The following TTC7B variants were observed in gnomAD, a reference collection of about 807,000 sequenced individuals.
TTC7B encodes tetratricopeptide repeat protein 7B.
A neutral mutation model predicts 106.8 loss-of-function variants in TTC7B; 28 were observed. That is an observed-to-expected ratio of 0.26 (90% CI 0.19 to 0.36). The LOEUF (loss-of-function observed/expected upper bound fraction) is 0.36, where lower values mean the gene tolerates loss of function less well. Ranked by LOEUF, TTC7B falls within the 10% of genes least tolerant of loss-of-function variation. The pLI is 1.00. For missense variants in TTC7B, 862 were observed against 1,076.4 expected (o/e 0.80, Z 2.79); for synonymous variants, 405 against 430.6 (o/e 0.94, Z 0.74).
At chr14:90,796,137 A>ACC (rs1640199586) in intron 1 of TTC7B, among the ~76,000 whole-genome samples, 1 of 152,062 alleles carries the variant, frequency 6.6e-6, no homozygotes, top group Non-Finnish European at 1.5e-5. Context: ...CAGCTGGGTG[A>ACC]CCCCGGCCCA....
chr14:90,603,238 T>A (rs1323554973), intron 17 of TTC7B: 3 of 1,286,468 alleles, frequency 2.3e-6, no homozygotes, highest in Non-Finnish European at 3.0e-6. Flanking sequence ...ATTAATAGAT[T>A]GGTAAACTAC....
chr14:90,555,616 G>C (rs947339864), intron 19 of TTC7B, among the ~76,000 whole-genome samples: 1 of 152,224 alleles, frequency 6.6e-6, no homozygotes, highest in Non-Finnish European at 1.5e-5. Flanking sequence ...TGTGTCTCCA[G>C]CCCAGCCGCC....
chr14:90,735,716 TA>T lies in TTC7B; in HGVS notation c.577-5521del, dbSNP rs1555394602. ...ACTTTTTTTAAATATTTTTTTTTTT[TA>T]AAAAACCTACTAAAGTCTATAGAAC... On this transcript the variant is annotated intron_variant, in intron 4 of 19. Coordinates refer to ENST00000328459, the MANE Select transcript of TTC7B (RefSeq NM_001010854.2). Among the ~76,000 whole-genome samples, 289 of 150,830 alleles carry T rather than the reference TA, an allele frequency of 1.9e-3. 2 individuals are homozygous for T. The highest frequency in any genetic ancestry group is 6.4e-3 in the African/African-American group (263 of 41,244).
chr14:90,702,868 AGCCACG>A (rs1199461250), intron 5 of TTC7B, among the ~76,000 whole-genome samples: 4 of 152,208 alleles, frequency 2.6e-5, no homozygotes, highest in African/African-American at 9.6e-5. Flanking sequence ...AACAGTCTCC[AGCCACG>A]GCTTTGGGGT....
Position 90,657,929 on chromosome 14 carries a change from C to CA in TTC7B, c.1236+374dup. The CA allele has an allele frequency of 4.1e-6, 1 of 245,898 alleles. No individual in the cohort carries two copies. The highest frequency in any genetic ancestry group is 5.0e-5 in the South Asian group (1 of 20,088). The allele number at this position is 245,898 out of a possible 1,614,324, so 15.2% of individuals were successfully genotyped here. A position where few individuals can be genotyped will look rare whatever the true frequency, so the allele number is the denominator to read the frequency against. Reference sequence around the variant, plus strand: ...CTCAGCCCACATTTTCATCCAGTATCATGCACTGCCTAATATAACACATTG... The same window carrying CA: ...CTCAGCCCACATTTTCATCCAGTATCAATGCACTGCCTAATATAACACATTG... On this transcript the variant is annotated intron_variant, in intron 10 of 19. Coordinates refer to ENST00000328459, the MANE Select transcript of TTC7B (RefSeq NM_001010854.2). The surrounding 1 kb of genome is among the most constrained non-coding windows in gnomAD (Gnocchi z 4.2).
At chr14:90,705,886 CAGCCTAT>C (rs1191167749) in intron 5 of TTC7B, among the ~76,000 whole-genome samples, 2 of 152,190 alleles carry the variant, frequency 1.3e-5, no homozygotes, top group Non-Finnish European at 2.9e-5. Flanking sequence ...CTGAACTGTT[CAGCCTAT>C]AGAGTTTCCC....
intron 3 of TTC7B, among the ~76,000 whole-genome samples, chr14:90,765,037 G>C (rs991830080): frequency 2.6e-5 from 4 of 152,174 alleles, no homozygotes; most frequent in Non-Finnish European, 5.9e-5. Flanking sequence ...ATTAATAATA[G>C]TCAAATAATA....
chr14:90,765,011 T>C (rs1890626391), intron 3 of TTC7B, among the ~76,000 whole-genome samples: 1 of 152,174 alleles, frequency 6.6e-6, no homozygotes, highest in Admixed American at 6.5e-5. Context: ...TGTACACAAA[T>C]GTTCATAGCA....
intron 12 of TTC7B, among the ~76,000 whole-genome samples, chr14:90,653,220 C>G (rs1885806698): frequency 6.6e-6 from 1 of 152,226 alleles, no homozygotes; most frequent in African/African-American, 2.4e-5. Flanking sequence ...CACGACTGCC[C>G]TCTCAAGTGT....
Position 90,672,025 on chromosome 14 carries a change from A to G in TTC7B, c.1152+4498T>C, listed in dbSNP as rs1886653286. On this transcript the variant is annotated intron_variant, in intron 9 of 19. Coordinates refer to ENST00000328459, the MANE Select transcript of TTC7B (RefSeq NM_001010854.2). ...CAAGGGTGCCAAGGACAGGAGAGAG[A>G]GGAACATGTGCTGGCAGTGGCAGCA... 2.6e-5 allele frequency among the ~76,000 whole-genome samples: 4 copies of G among 152,224 alleles called. No homozygotes were observed. In the South Asian group the frequency reaches 6.2e-4, roughly 24 times the overall value.
chr14:90,773,460 A>G (rs1272003908), intron 3 of TTC7B, among the ~76,000 whole-genome samples: 1 of 152,128 alleles, frequency 6.6e-6, no homozygotes, highest in Non-Finnish European at 1.5e-5. Context: ...TTTGAATCCC[A>G]TCTCAACTCT....
intron 18 of TTC7B, among the ~76,000 whole-genome samples, chr14:90,586,275 T>C (rs1891710221): frequency 6.6e-6 from 1 of 152,146 alleles, no homozygotes; most frequent in Admixed American, 6.5e-5. Context: ...CCTCAATCTT[T>C]TTTTCTTTTT....
intron 19 of TTC7B, chr14:90,569,998 G>A (rs1186846281): frequency 6.6e-6 from 1 of 152,264 alleles, no homozygotes; most frequent in Admixed American, 6.5e-5. Context: ...GGGTCAACAG[G>A]GCTGAGTGTA....
rs60819892 is a variant in TTC7B at position 90,537,451 on chromosome 14, T to A, written c.*3917A>T. The A allele has an allele frequency of 0.049, 7,475 of 151,160 alleles. 273 individuals carry two copies. The highest frequency in any genetic ancestry group is 0.16 in the East Asian group (822 of 5,074). 9.4% of individuals were successfully genotyped at this position (151,160 alleles called of 1,614,324 possible). On this transcript the variant is annotated 3_prime_UTR_variant, in exon 20 of 20. Coordinates refer to ENST00000328459, the MANE Select transcript of TTC7B (RefSeq NM_001010854.2). ...GCTGATTCTCCTGCCTCAGCCTCCC[T>A]AAGTGCTGGGATTACAGGCAGGAGC...
At chr14:90,715,971 G>C (rs1888639349) in intron 5 of TTC7B, among the ~76,000 whole-genome samples, 1 of 152,074 alleles carries the variant, frequency 6.6e-6, no homozygotes, top group Non-Finnish European at 1.5e-5. Context: ...CCTTTCACAG[G>C]GTGATATAAT....
In TTC7B at chr14:90,529,915, A is replaced by T. The variant is rs1379126446; in HGVS notation, c.*11453T>A. 6.6e-6 allele frequency: 1 copy of T among 152,232 alleles called. No homozygotes were observed. The highest frequency in any genetic ancestry group is 2.4e-5 in the African/African-American group (1 of 41,454). The allele number at this position is 152,232 out of a possible 1,614,324, so 9.4% of individuals were successfully genotyped here. On this transcript the variant is annotated 3_prime_UTR_variant, in exon 20 of 20. Coordinates refer to ENST00000328459, the MANE Select transcript of TTC7B (RefSeq NM_001010854.2). ...TAGAAAGATTTTTACTGACAAGAGA[A>T]TATTAAGTGAAAAGATCCATACGGT...
chr14:90,775,510 C>A (rs757298260), intron 3 of TTC7B, among the ~76,000 whole-genome samples: 10 of 152,112 alleles, frequency 6.6e-5, no homozygotes, highest in South Asian at 2.1e-4. Context: ...GCAATTTCCA[C>A]CCCAGCAGCA....
chr14:90,791,592 C>T (rs558775433), intron 1 of TTC7B, among the ~76,000 whole-genome samples: 3 of 152,264 alleles, frequency 2.0e-5, no homozygotes, highest in East Asian at 3.9e-4. Flanking sequence ...CCCGTGACTA[C>T]GTTATGACGA....
intron 18 of TTC7B, among the ~76,000 whole-genome samples, chr14:90,590,061 C>T (rs926048721): frequency 8.5e-5 from 13 of 152,092 alleles, no homozygotes; most frequent in African/African-American, 2.9e-4. Context: ...TGCACAGAAC[C>T]GGTGACAGTG....
Sources: gnomAD v4.1 joint callset for allele counts (sites outside exome capture counted in the v4.1 genomes callset) on GRCh38, gnomAD v4.1.1 for gene constraint, Gnocchi (gnomAD v3.1) non-coding constraint, MANE v1.5 for transcripts, NCBI Gene and HGNC (gene_info 2026-07-23, HGNC 2026-07-21) for gene names.